The following AFAP1L2 variants were observed in gnomAD, a reference collection of about 807,000 sequenced individuals.
The protein encoded by AFAP1L2 is actin filament associated protein 1 like 2, also known as actin filament-associated protein 1-like 2.
In AFAP1L2, 46 loss-of-function variants were observed where a neutral mutation model predicts 99.3. The ratio of observed to expected loss-of-function variants is 0.46; its 90% CI spans 0.37 to 0.59. AFAP1L2 has a LOEUF of 0.59. Ranked by LOEUF, AFAP1L2 falls within the 20% of genes least tolerant of loss-of-function variation. AFAP1L2 has a pLI of 0.00. For missense variants in AFAP1L2, 959 were observed against 1,034.9 expected (o/e 0.93, Z 1.01); for synonymous variants, 397 against 419.1 (o/e 0.95, Z 0.64).
chr10:114,367,734 C>A (rs1364888368), intron 1 of AFAP1L2, among the ~76,000 whole-genome samples: 1 of 152,150 alleles, frequency 6.6e-6, no homozygotes, highest in Non-Finnish European at 1.5e-5. Flanking sequence ...GCAGAACGGG[C>A]AGAGGGGGTG....
chr10:114,282,438 T>C, the AFAP1L2 span: 1 of 1,127,232 alleles, frequency 8.9e-7, no homozygotes, highest in Admixed American at 1.7e-5. Flanking sequence ...CAGCTTTTGG[T>C]GTTGTAAATC....
At chr10:114,284,876 G>C in the AFAP1L2 span, 8 of 1,608,136 alleles carry the variant, frequency 5.0e-6, no homozygotes, top group Non-Finnish European at 1.7e-6. Flanking sequence ...CCTGTGACTC[G>C]CAGCCCTGCC....
chr10:114,310,519 C>A, intron 7 of AFAP1L2, 76 bp from the exon 8 acceptor site: 4 of 1,365,936 alleles, frequency 2.9e-6, no homozygotes, highest in Non-Finnish European at 1.0e-6. Flanking sequence ...AAGCCAGGGC[C>A]CCTGCAGGTC....
chr10:114,286,266 A>AGGACC, the AFAP1L2 span: 1 of 1,611,752 alleles, frequency 6.2e-7, no homozygotes, highest in Non-Finnish European at 8.5e-7. Context: ...AGGACAGGCC[A>AGGACC]GGACCGGCCA....
At chr10:114,301,489 A>G (rs2134031570) in intron 12 of AFAP1L2, 24 bp from the exon 13 acceptor site, 2 of 1,552,562 alleles carry the variant, frequency 1.3e-6, no homozygotes, top group South Asian at 2.2e-5. Context: ...GAGGTGGCAC[A>G]CATGAAGCAG....
Position 114,297,309 on chromosome 10 carries a change from C to T in AFAP1L2, c.2218G>A (p.Val740Met). ...TCAGCCTTCTTCAGGTTGTCCTTCA[C>T]CTCCATGATGCTGAGCTCCAGGTCC... ...RVDLELSIME[V>M]KDNLKKAEAG... The change falls in exon 17 of 19, where the codon GTG (valine) becomes ATG (methionine). Residue 740 changes from valine (V) to methionine (M), a missense_variant. By Grantham distance (21) the Val-to-Met change is conservative. Coordinates refer to ENST00000304129, the MANE Select transcript of AFAP1L2 (RefSeq NM_001001936.3). The T allele has an allele frequency of 1.9e-6, 3 of 1,614,056 alleles. 1 individual carries two copies. Among genetic ancestry groups the T allele is most frequent in the Non-Finnish European group, 1.7e-6 (2 of 1,180,028 alleles).
At chr10:114,321,795 C>T (rs1201386047) in intron 5 of AFAP1L2, among the ~76,000 whole-genome samples, 1 of 152,182 alleles carries the variant, frequency 6.6e-6, no homozygotes, top group African/African-American at 2.4e-5. Flanking sequence ...CACTTTTGAT[C>T]CAACTTCCTC....
At chr10:114,306,050 AGGG>A (rs1276726321) in intron 10 of AFAP1L2, among the ~76,000 whole-genome samples, 3 of 102,362 alleles carry the variant, frequency 2.9e-5, no homozygotes, top group Non-Finnish European at 5.6e-5. Flanking sequence ...CAGATGCAGA[AGGG>A]GGCGCAGATG....
At chr10:114,291,792 C>T (rs1170315780), downstream of AFAP1L2, among the ~76,000 whole-genome samples, 4 of 152,142 alleles carry the variant, frequency 2.6e-5, no homozygotes, top group Non-Finnish European at 5.9e-5. Flanking sequence ...GCTTGAGGGA[C>T]GTTTGTGACT....
At chr10:114,360,312 G>C (rs2052059371) in intron 1 of AFAP1L2, among the ~76,000 whole-genome samples, 1 of 152,068 alleles carries the variant, frequency 6.6e-6, no homozygotes, top group South Asian at 2.1e-4. Context: ...ACTCTGATTG[G>C]ATCTTCTGGT....
intron 13 of AFAP1L2, 83 bp downstream of exon 13, chr10:114,301,271 T>G: frequency 8.5e-7 from 1 of 1,174,566 alleles, no homozygotes; most frequent in Non-Finnish European, 1.3e-6. Flanking sequence ...AGGGATACTC[T>G]AATGATCTCT....
intron 1 of AFAP1L2, among the ~76,000 whole-genome samples, chr10:114,373,539 C>T (rs1322583206): frequency 6.6e-6 from 1 of 152,080 alleles, no homozygotes; most frequent in African/African-American, 2.4e-5. Flanking sequence ...GCAGGAGAAT[C>T]GCTTGAACCC....
downstream of AFAP1L2, chr10:114,291,293 A>G (rs1050953161): frequency 6.5e-7 from 1 of 1,529,950 alleles, no homozygotes; most frequent in Admixed American, 2.0e-5. Context: ...GCAACTACAG[A>G]GAAGGCCTGG....
the AFAP1L2 span, chr10:114,289,103 T>G: frequency 6.2e-7 from 1 of 1,614,080 alleles, no homozygotes; most frequent in Non-Finnish European, 8.5e-7. Flanking sequence ...GGCAGCCAGG[T>G]GCAGACTGCC....
At chr10:114,306,672 T>C (rs904876551) in intron 10 of AFAP1L2, among the ~76,000 whole-genome samples, 5 of 151,930 alleles carry the variant, frequency 3.3e-5, no homozygotes, top group Non-Finnish European at 7.4e-5. Flanking sequence ...ACAGAGAACT[T>C]TGGATCATGA....
intron 4 of AFAP1L2, chr10:114,325,778 C>T: frequency 9.2e-7 from 1 of 1,087,444 alleles, no homozygotes; most frequent in Non-Finnish European, 1.2e-6. Flanking sequence ...TCCTGGTCCC[C>T]CTGGTCAGCC....
At chr10:114,320,446 G>C (rs1397332872) in intron 5 of AFAP1L2, among the ~76,000 whole-genome samples, 1 of 152,218 alleles carries the variant, frequency 6.6e-6, no homozygotes, top group African/African-American at 2.4e-5. Flanking sequence ...GACCAGGCAG[G>C]ACCTGAGGTC....
intron 1 of AFAP1L2, among the ~76,000 whole-genome samples, chr10:114,366,538 A>C (rs2053278186): frequency 6.6e-6 from 1 of 152,262 alleles, no homozygotes; most frequent in South Asian, 2.1e-4. Context: ...GTTGTAAAGA[A>C]TATGAAATGG....
intron 5 of AFAP1L2, among the ~76,000 whole-genome samples, chr10:114,318,748 G>GAAAAAAAAAAA (rs58243775): frequency 2.5e-5 from 3 of 118,878 alleles, no homozygotes; most frequent in Non-Finnish European, 3.4e-5. Context: ...CTAAAAAAAA[G>GAAAAAAAAAAA]AAAAAAAAAA....
Sources: gnomAD v4.1 joint callset for allele counts (sites outside exome capture counted in the v4.1 genomes callset) on GRCh38, gnomAD v4.1.1 for gene constraint, MANE v1.5 for transcripts, NCBI Gene and HGNC (gene_info 2026-07-23, HGNC 2026-07-21) for gene names.